The following CNTNAP2 variants were observed in gnomAD, a reference collection of about 807,000 sequenced individuals.
CNTNAP2 encodes contactin associated protein 2, also known as contactin-associated protein-like 2.
CNTNAP2 carries 98 observed loss-of-function variants against 155.2 expected under a neutral mutation model. That is an observed-to-expected ratio of 0.63 (90% CI 0.54 to 0.75). The LOEUF (loss-of-function observed/expected upper bound fraction) is 0.75. CNTNAP2 is among the 30% of genes least tolerant of loss of function. The pLI, the probability that CNTNAP2 is intolerant of heterozygous loss-of-function variation, is 0.00. For synonymous variants in CNTNAP2, 651 were observed against 631.2 expected, an observed-to-expected ratio of 1.03 and a Z score of -0.47; for missense variants, 1,727 against 1,688.1, an observed-to-expected ratio of 1.02 and a Z score of -0.40.
chr7:147,658,047 G>C lies in CNTNAP2; in HGVS notation c.2098+18741G>C, dbSNP rs1248796712. Among the ~76,000 whole-genome samples the C allele has an allele frequency of 1.7e-5, 2 of 119,258 alleles. 1 individual carries two copies. Among genetic ancestry groups the C allele is most frequent in the Non-Finnish European group, 3.9e-5 (2 of 51,708 alleles). 78.2% of individuals were successfully genotyped at this position (119,258 alleles called of 152,430 possible). A position where few individuals can be genotyped will look rare whatever the true frequency, so the allele number is the denominator to read the frequency against. ...CGAGGCGGGCGGATCACGAGGTCAG[G>C]AGATCGAGACCATCCCGGCAAAAAT... On this transcript the variant is annotated intron_variant, in intron 13 of 23. Transcript: ENST00000361727.
intron 14 of CNTNAP2, among the ~76,000 whole-genome samples, chr7:147,945,853 T>C (rs1800811426): frequency 6.9e-6 from 1 of 143,992 alleles, no homozygotes; most frequent in Non-Finnish European, 1.5e-5. Flanking sequence ...TTTTCTTTTC[T>C]TTTTTTTTCT....
chr7:146,533,788 G>A (rs1797805688), intron 1 of CNTNAP2, among the ~76,000 whole-genome samples: 1 of 151,872 alleles, frequency 6.6e-6, no homozygotes, highest in Non-Finnish European at 1.5e-5. Context: ...GCTTTATGTT[G>A]GGCAAGTTTG....
chr7:147,172,904 G>A (rs997789711), intron 8 of CNTNAP2, among the ~76,000 whole-genome samples: 1 of 152,046 alleles, frequency 6.6e-6, no homozygotes, highest in African/African-American at 2.4e-5. Context: ...GCTTCTTTAA[G>A]TGTTATCATT....
chr7:146,154,747 G>T (rs886578432), intron 1 of CNTNAP2, among the ~76,000 whole-genome samples: 1 of 152,138 alleles, frequency 6.6e-6, no homozygotes, highest in South Asian at 2.1e-4. Context: ...CAGCTCTCTG[G>T]GCACTACTCA....
At chr7:146,656,342 C>A (rs904398602) in intron 1 of CNTNAP2, among the ~76,000 whole-genome samples, 4 of 152,144 alleles carry the variant, frequency 2.6e-5, no homozygotes, top group African/African-American at 9.7e-5. Flanking sequence ...TCTTTCAAAT[C>A]ACTGAATCGT....
intron 1 of CNTNAP2, among the ~76,000 whole-genome samples, chr7:146,122,944 A>G (rs373286477): frequency 2.4e-4 from 37 of 152,338 alleles, no homozygotes; most frequent in African/African-American, 8.7e-4. Flanking sequence ...CACTTAGAAA[A>G]CAAAATTGAT....
chr7:147,714,395 T>C (rs1227805645), intron 13 of CNTNAP2, among the ~76,000 whole-genome samples: 1 of 151,356 alleles, frequency 6.6e-6, no homozygotes, highest in Admixed American at 6.6e-5. Context: ...GGAAGTATAG[T>C]TGTGGAGGTA....
At chr7:146,936,767 A>G (rs1024101384) in intron 3 of CNTNAP2, among the ~76,000 whole-genome samples, 2 of 152,164 alleles carry the variant, frequency 1.3e-5, no homozygotes, top group African/African-American at 4.8e-5. Flanking sequence ...GAGGGCAAAC[A>G]CTGAACTGTA....
intron 9 of CNTNAP2, among the ~76,000 whole-genome samples, chr7:147,366,421 ATT>A (rs1350092064): frequency 6.6e-6 from 1 of 151,754 alleles, no homozygotes; most frequent in Non-Finnish European, 1.5e-5. Flanking sequence ...ATAAAATCTA[ATT>A]TTCTCATAAT....
chr7:147,131,568 G>A (rs767739528), intron 7 of CNTNAP2, among the ~76,000 whole-genome samples: 1 of 151,844 alleles, frequency 6.6e-6, no homozygotes, highest in East Asian at 1.9e-4. Flanking sequence ...CATTTATAGT[G>A]CTAGTTATAC....
intron 9 of CNTNAP2, among the ~76,000 whole-genome samples, chr7:147,331,168 T>C (rs1403792330): frequency 2.6e-5 from 4 of 151,948 alleles, no homozygotes; most frequent in Admixed American, 2.6e-4. Flanking sequence ...GCAGTGATCA[T>C]GGAAAGGGAT....
intron 9 of CNTNAP2, among the ~76,000 whole-genome samples, chr7:147,301,946 G>A (rs1200280998): frequency 6.6e-6 from 1 of 152,100 alleles, no homozygotes; most frequent in African/African-American, 2.4e-5. Context: ...ACAAGTTAGA[G>A]ACAAAAATCA....
At chr7:146,817,816 C>T (rs1018445498) in intron 2 of CNTNAP2, among the ~76,000 whole-genome samples, 1 of 152,072 alleles carries the variant, frequency 6.6e-6, no homozygotes, top group Non-Finnish European at 1.5e-5. Flanking sequence ...GGCTTCACCT[C>T]CAACATTGCG....
chr7:147,011,234 T>C (rs1366083654), intron 3 of CNTNAP2, among the ~76,000 whole-genome samples: 3 of 151,706 alleles, frequency 2.0e-5, no homozygotes, highest in Non-Finnish European at 4.4e-5. Context: ...GACAACATCA[T>C]GAAACCCCGT....
intron 1 of CNTNAP2, among the ~76,000 whole-genome samples, chr7:146,613,119 G>A (rs1326514316): frequency 6.6e-6 from 1 of 152,090 alleles, no homozygotes; most frequent in Non-Finnish European, 1.5e-5. Flanking sequence ...TCTATGAGAA[G>A]TGTCAGGCAT....
chr7:147,567,432 CTT>C (rs1800195454), intron 12 of CNTNAP2, among the ~76,000 whole-genome samples: 1 of 152,138 alleles, frequency 6.6e-6, no homozygotes, highest in Admixed American at 6.5e-5. Context: ...AAAAACATCA[CTT>C]TGACAGCTGT....
chr7:148,038,870 GGATA>G (rs199573267), intron 15 of CNTNAP2, among the ~76,000 whole-genome samples: 140 of 112,800 alleles, frequency 1.2e-3, no homozygotes, highest in African/African-American at 4.9e-3. Context: ...ATGGATGGAT[GGATA>G]GATAGATAAG....
chr7:147,008,609 C>A (rs35013414), intron 3 of CNTNAP2, among the ~76,000 whole-genome samples: 8 of 151,746 alleles, frequency 5.3e-5, no homozygotes, highest in Non-Finnish European at 1.0e-4. Context: ...CACGTAAGTA[C>A]GCCGTCATAA....
chr7:147,983,407 C>T (rs1051301399), intron 15 of CNTNAP2, among the ~76,000 whole-genome samples: 5 of 151,766 alleles, frequency 3.3e-5, no homozygotes, highest in African/African-American at 1.2e-4. Flanking sequence ...ATTCTCTCAA[C>T]ATCCCTTAAT....
Sources: allele counts gnomAD v4.1 joint callset (sites outside exome capture counted in the v4.1 genomes callset), GRCh38; gene constraint gnomAD v4.1.1; transcripts MANE v1.5; gene names NCBI Gene and HGNC (gene_info 2026-07-23, HGNC 2026-07-21).